The following WASHC5 variants were observed in gnomAD, a reference collection of about 807,000 sequenced individuals.
WASHC5 encodes WASH complex subunit 5, also known as WASH complex subunit strumpellin.
Under a neutral mutation model 150.4 loss-of-function variants are expected in WASHC5, and 101 were observed. The observed-to-expected ratio is 0.67, with a 90% CI of 0.57 to 0.79. WASHC5 has a LOEUF of 0.79. WASHC5 is among the 30% of genes least tolerant of loss of function. The probability of loss-of-function intolerance (pLI) is 0.00; values close to 1 mark genes in which losing one functional copy is unlikely to be tolerated. For synonymous variants in WASHC5, 467 were observed against 491.2 expected, an observed-to-expected ratio of 0.95 and a Z score of 0.65; for missense variants, 1,195 against 1,396.3, an observed-to-expected ratio of 0.86 and a Z score of 2.30.
chr8:125,057,485 T>G, intron 15 of WASHC5, 71 bp downstream of exon 15: 1 of 1,040,452 alleles, frequency 9.6e-7, no homozygotes, highest in Non-Finnish European at 1.5e-6. Flanking sequence ...TTGGGGGGCC[T>G]AAGCATACTT....
In WASHC5 at chr8:125,061,073, T is replaced by C. The variant is rs765873532; in HGVS notation, c.1521+9A>G. 2.0e-6 allele frequency: 3 copies of C among 1,534,356 alleles called. No individual in the cohort carries two copies. The South Asian group carries it at 3.4e-5, about 17-fold the overall frequency. ...TCCAAGAACCTGCATTTAAAAAGCG[T>C]TTCCTTACCTCTTCCAAAGCTTGTA... is the stretch of plus-strand genomic sequence containing the variant. On this transcript the variant is annotated intron_variant, in intron 12 of 28. Coordinates refer to ENST00000318410, the MANE Select transcript of WASHC5 (RefSeq NM_014846.4).
chr8:125,062,408 A>G (rs552184870), intron 11 of WASHC5, among the ~76,000 whole-genome samples: 1 of 152,352 alleles, frequency 6.6e-6, no homozygotes, highest in Admixed American at 6.5e-5. Flanking sequence ...GGTATTTGTA[A>G]GGGCCTAAAA....
intron 27 of WASHC5, among the ~76,000 whole-genome samples, chr8:125,031,007 C>T (rs565052510): frequency 1.1e-4 from 17 of 152,138 alleles, no homozygotes; most frequent in Non-Finnish European, 1.9e-4. Flanking sequence ...AAAAGCTCAG[C>T]GAGTGAAACA....
rs1815439439 is a variant in WASHC5 at position 125,028,609 on chromosome 8, C to T, written c.3423+11G>A. ...AACTATTAATATTGTTCTTTACTATCTATCACTTACCCTCCTGGGTAGCTT... is the reference window on the plus strand; with the variant it reads ...AACTATTAATATTGTTCTTTACTATTTATCACTTACCCTCCTGGGTAGCTT... On this transcript the variant is annotated intron_variant, in intron 28 of 28. Coordinates refer to ENST00000318410, the MANE Select transcript of WASHC5 (RefSeq NM_014846.4). 1.3e-6 allele frequency: 2 copies of T among 1,574,386 alleles called. No homozygotes were observed. The highest frequency in any genetic ancestry group is 1.7e-6 in the Non-Finnish European group (2 of 1,144,008).
chr8:125,065,668 A>AG (rs901900777), intron 10 of WASHC5, among the ~76,000 whole-genome samples: 4 of 143,918 alleles, frequency 2.8e-5, no homozygotes, highest in African/African-American at 1.1e-4. Context: ...CCCAGGCTGG[A>AG]GTGCAGTGGC....
At chr8:125,025,755 T>A (rs1160794520) in intron 28 of WASHC5, among the ~76,000 whole-genome samples, 2 of 152,054 alleles carry the variant, frequency 1.3e-5, no homozygotes, top group African/African-American at 2.4e-5. Flanking sequence ...AATATTTTTT[T>A]AATCTTAATC....
chr8:125,041,220 G>A (rs975577389), intron 23 of WASHC5, among the ~76,000 whole-genome samples: 2 of 152,034 alleles, frequency 1.3e-5, no homozygotes, highest in Non-Finnish European at 1.5e-5. Context: ...TTTTCTACTC[G>A]GACAAAGTAT....
In WASHC5 at chr8:125,078,793, T is replaced by G; in HGVS notation, c.656A>C (p.Glu219Ala). ...ACCAATGACCATACTGATGAAGGAT[T>G]CGTTGATAGGCACTCTCTGGAAATA... is the stretch of plus-strand genomic sequence containing the variant. ...ESYFQRVPINESFISMVIGRL... is the reference protein window; with the variant it reads ...ESYFQRVPINASFISMVIGRL... Residue 219 changes from glutamate (E) to alanine (A), a missense_variant, in exon 6 of 29, where the codon GAA becomes GCA. By Grantham distance (107) the Glu-to-Ala change is moderately radical. Coordinates refer to ENST00000318410, the MANE Select transcript of WASHC5 (RefSeq NM_014846.4). 6.2e-7 allele frequency: 1 copy of G among 1,614,046 alleles called. No individual in the cohort carries two copies. Among genetic ancestry groups the G allele is most frequent in the South Asian group, 1.1e-5 (1 of 91,078 alleles).
Position 125,050,560 on chromosome 8 carries a change from G to T in WASHC5, c.2199+4C>A, listed in dbSNP as rs145721086. 537 of 1,610,412 alleles carry T rather than the reference G, an allele frequency of 3.3e-4. 8 individuals are homozygous for T. In the East Asian group the frequency reaches 0.012, roughly 35 times the overall value. ...AGGACAGGCCCACTCTGGTCACTGG[G>T]TACCTTGGCTCGAGGGTTGAATATC... On this transcript the variant is annotated splice_donor_region_variant and intron_variant, in intron 18 of 28. Coordinates refer to ENST00000318410, the MANE Select transcript of WASHC5 (RefSeq NM_014846.4).
intron 17 of WASHC5, among the ~76,000 whole-genome samples, chr8:125,054,526 T>C (rs908751039): frequency 2.0e-5 from 3 of 152,132 alleles, no homozygotes; most frequent in African/African-American, 4.8e-5. Flanking sequence ...CCAGTGATGA[T>C]AGTGGTCTGT....
chr8:125,027,690 C>T (rs1815412976), intron 28 of WASHC5, among the ~76,000 whole-genome samples: 1 of 152,090 alleles, frequency 6.6e-6, no homozygotes, highest in African/African-American at 2.4e-5. Flanking sequence ...GTGATGGGTG[C>T]ATCAAAATCT....
rs2130207777 is a variant in WASHC5, at chr8:125,081,641, T to C, written c.518+20A>G. ...TACCGACAGCAGCGTTTCGGAAGTGTAGTCCTAGCCCAGGAATACCTGTAT... is the reference window on the plus strand; with the variant it reads ...TACCGACAGCAGCGTTTCGGAAGTGCAGTCCTAGCCCAGGAATACCTGTAT... On this transcript the variant is annotated intron_variant, in intron 5 of 28. Transcript: ENST00000318410. The C allele has an allele frequency of 9.9e-6, 14 of 1,410,044 alleles. No homozygotes were observed. The highest frequency in any genetic ancestry group is 2.3e-5 in the South Asian group (2 of 87,126). The allele number at this position is 1,410,044 out of a possible 1,614,324, so 87.3% of individuals were successfully genotyped here.
intron 23 of WASHC5, among the ~76,000 whole-genome samples, chr8:125,043,004 T>C (rs1815941379): frequency 6.6e-6 from 1 of 152,260 alleles, no homozygotes; most frequent in Admixed American, 6.5e-5. Context: ...CTTAGCATTC[T>C]AGAATTCTAG....
intron 23 of WASHC5, among the ~76,000 whole-genome samples, chr8:125,042,972 G>A (rs1261417493): frequency 6.6e-6 from 1 of 152,220 alleles, no homozygotes. Context: ...GGGAATCAGA[G>A]AATGGAACTT....
At chr8:125,077,200 G>A (rs933156672) in intron 6 of WASHC5, among the ~76,000 whole-genome samples, 1 of 152,232 alleles carries the variant, frequency 6.6e-6, no homozygotes, top group African/African-American at 2.4e-5. Flanking sequence ...TATAAGGGCA[G>A]ACATAGCCAT....
At position 125,047,315 on chromosome 8, in the gene WASHC5, C is replaced by G; in HGVS notation, c.2396G>C (p.Ser799Thr). The change falls in exon 20 of 29, where the codon AGC becomes ACC. Residue 799 changes from serine to threonine, a missense_variant. By Grantham distance (58) the Ser-to-Thr change is moderately conservative. Transcript: ENST00000318410. ...FLRTKIQDWQ[S>T]MYQSTHIPIP... ...TGGAATATGAGTGGACTGGTACATG[C>G]TTTGCCAATCTTGAATCTAGAAAAC... 6.2e-7 allele frequency: 1 copy of G among 1,613,860 alleles called. No homozygotes were observed. The highest frequency in any genetic ancestry group is 8.5e-7 in the Non-Finnish European group (1 of 1,179,772).
chr8:125,055,624 T>C lies in WASHC5; in HGVS notation c.2064A>G (p.Leu688=). ...HAISIFTEGI[L]MMKTTLVGII... ...TGCCAACCAAAGTCGTTTTCATCATTAAGATGCCTTCAGTAAAAATGGAAA... is the reference window on the plus strand; with the variant it reads ...TGCCAACCAAAGTCGTTTTCATCATCAAGATGCCTTCAGTAAAAATGGAAA... The change falls in exon 17 of 29, where the codon TTA becomes TTG. Residue 688 remains leucine, a synonymous_variant. Coordinates refer to ENST00000318410, the MANE Select transcript of WASHC5 (RefSeq NM_014846.4). The C allele has an allele frequency of 6.2e-7, 1 of 1,613,124 alleles. No homozygotes were observed. The highest frequency in any genetic ancestry group is 1.7e-4 in the Middle Eastern group (1 of 6,060).
rs548831666 is a variant in WASHC5 at position 125,045,809 on chromosome 8, CTGA to C, written c.2505-1114_2505-1112del. 5.1e-4 allele frequency among the ~76,000 whole-genome samples: 77 copies of C among 152,306 alleles called. No individual in the cohort carries two copies. The South Asian group carries it at 0.015, about 30-fold the overall frequency. On this transcript the variant is annotated intron_variant, in intron 20 of 28. Transcript: ENST00000318410. ...TGTGTCACTGGGGAGGCCCCCAATT[CTGA>C]TGATAAAATTCATATATGATGTGGA...
chr8:125,083,167 G>A lies in WASHC5; in HGVS notation c.278C>T (p.Thr93Ile). 1 of 1,587,806 alleles carries A rather than the reference G, an allele frequency of 6.3e-7. No individual in the cohort carries two copies. Among genetic ancestry groups the A allele is most frequent in the Non-Finnish European group, 8.6e-7 (1 of 1,156,802 alleles). Residue 93 changes from threonine to isoleucine, a missense_variant, in exon 3 of 29, where the codon ACC becomes ATC. Thr to Ile is a moderately conservative substitution (Grantham distance 89). Around this residue, in one of 3 missense-constraint regions of WASHC5, gnomAD observed 195 missense variants for 206.9 expected, o/e 0.94. Transcript: ENST00000318410. The part of the protein sequence containing the change: ...EFRENNIEIV[T>I]RFYLAFQSVH... ...ACTTTGAAATGCTAAATAAAATCTG[G>A]TCACAATTTCTATGTTGTTTTCACG...
Sources: allele counts gnomAD v4.1 joint callset (sites outside exome capture counted in the v4.1 genomes callset), GRCh38; gene constraint gnomAD v4.1.1; regional missense constraint gnomAD v4.1.1; transcripts MANE v1.5; gene names NCBI Gene and HGNC (gene_info 2026-07-23, HGNC 2026-07-21).